DNA2: variants seen among roughly 807,000 people sequenced by gnomAD.
The protein encoded by DNA2 is DNA replication helicase/nuclease 2.
Under a neutral mutation model 119.1 loss-of-function variants are expected in DNA2, and 101 were observed. The ratio of observed to expected loss-of-function variants is 0.85; its 90% confidence interval spans 0.72 to 1.00. DNA2 has a LOEUF of 1.00. Ranked by LOEUF, DNA2 falls within the 50% of genes least tolerant of loss-of-function variation. DNA2 has a pLI of 0.00. For synonymous variants in DNA2, 366 were observed against 424.4 expected (o/e 0.86, Z 1.69); for missense variants, 1,121 against 1,255.5 (o/e 0.89, Z 1.62).
intron 19 of DNA2, among the ~76,000 whole-genome samples, chr10:68,417,652 C>CAAAAA (rs575627007): frequency 8.8e-6 from 1 of 113,548 alleles, no homozygotes; most frequent in African/African-American, 3.7e-5. Context: ...GATCTCATCT[C>CAAAAA]AAAAAAAAAA....
intron 9 of DNA2, among the ~76,000 whole-genome samples, chr10:68,439,611 G>A (rs2051939700): frequency 6.6e-6 from 1 of 151,886 alleles, no homozygotes; most frequent in South Asian, 2.1e-4. Context: ...GCCGAAGCGT[G>A]TGGATCATCT....
intron 2 of DNA2, 88 bp from the exon 3 acceptor site, chr10:68,468,394 G>T: frequency 3.6e-6 from 3 of 826,418 alleles, no homozygotes; most frequent in Non-Finnish European, 3.3e-6. Flanking sequence ...AAATAAATGA[G>T]TATTTTATCT....
intron 6 of DNA2, among the ~76,000 whole-genome samples, chr10:68,448,883 T>C (rs1386860837): frequency 6.6e-6 from 1 of 152,016 alleles, no homozygotes; most frequent in Non-Finnish European, 1.5e-5. Context: ...GTTTGAGCAA[T>C]TCTCAGCCTC....
intron 2 of DNA2, among the ~76,000 whole-genome samples, chr10:68,468,817 G>A (rs1041102735): frequency 5.3e-5 from 8 of 152,114 alleles, no homozygotes; most frequent in Non-Finnish European, 7.4e-5. Flanking sequence ...TTGGGAGGCC[G>A]AGGCAGGTGG....
chr10:68,443,636 TG>T (rs2051999425), intron 8 of DNA2, among the ~76,000 whole-genome samples: 2 of 152,146 alleles, frequency 1.3e-5, no homozygotes, highest in Non-Finnish European at 2.9e-5. Context: ...AGAGATCCCT[TG>T]AAAAAATACC....
At chr10:68,425,407 T>G (rs2051726677) in intron 14 of DNA2, among the ~76,000 whole-genome samples, 1 of 146,976 alleles carries the variant, frequency 6.8e-6, no homozygotes, top group Non-Finnish European at 1.5e-5. Flanking sequence ...TTTGTGTTCT[T>G]TTTTTTTTTT....
intron 9 of DNA2, among the ~76,000 whole-genome samples, chr10:68,442,252 T>C (rs371102780): frequency 1.3e-5 from 2 of 150,762 alleles, no homozygotes. Flanking sequence ...AGAGTCTCGC[T>C]CTGTCACCCA....
intron 19 of DNA2, among the ~76,000 whole-genome samples, chr10:68,418,465 A>G (rs2051620888): frequency 6.6e-6 from 1 of 150,450 alleles, no homozygotes; most frequent in South Asian, 2.1e-4. Flanking sequence ...TTAAACCACA[A>G]TTTTATTTTC....
chr10:68,420,663 A>C (rs558212652), intron 17 of DNA2, among the ~76,000 whole-genome samples: 3 of 148,756 alleles, frequency 2.0e-5, no homozygotes, highest in Admixed American at 6.7e-5. Context: ...CTCTTCAAAG[A>C]CTACTTTCCT....
At chr10:68,449,175 A>T (rs970325253) in intron 6 of DNA2, among the ~76,000 whole-genome samples, 4 of 152,166 alleles carry the variant, frequency 2.6e-5, no homozygotes, top group African/African-American at 9.7e-5. Context: ...AAAATCAATT[A>T]AAAATTTTCA....
rs766665387 is a variant in DNA2, at chr10:68,446,261, G to A, written c.1057+35C>T. ...ACTAGAAGCTGAAGTGGGGGGGTGGGCAAAGAAGTAAAACTAAAAAAAAAA... is the reference window on the plus strand; with the variant it reads ...ACTAGAAGCTGAAGTGGGGGGGTGGACAAAGAAGTAAAACTAAAAAAAAAA... On this transcript the variant is annotated intron_variant, in intron 7 of 20. Coordinates refer to ENST00000358410, the MANE Select transcript of DNA2 (RefSeq NM_001080449.3). 17 of 1,132,862 alleles carry A rather than the reference G, an allele frequency of 1.5e-5. 1 individual carries two copies. The South Asian group carries it at 2.3e-4, about 16-fold the overall frequency. 70.2% of individuals were successfully genotyped at this position (1,132,862 alleles called of 1,614,324 possible). A position where few individuals can be genotyped will look rare whatever the true frequency, so the allele number is the denominator to read the frequency against.
intron 4 of DNA2, 50 bp downstream of exon 4, chr10:68,465,617 A>G: frequency 7.3e-7 from 1 of 1,363,484 alleles, no homozygotes; most frequent in South Asian, 1.5e-5. Flanking sequence ...TTTCTAGGAC[A>G]GAAGTTATAT....
intron 5 of DNA2, among the ~76,000 whole-genome samples, chr10:68,452,151 C>T (rs760028120): frequency 7.6e-4 from 115 of 151,876 alleles, no homozygotes; most frequent in African/African-American, 2.5e-3. Flanking sequence ...GGCATGAACA[C>T]GGCTCACTGC....
intron 1 of DNA2, among the ~76,000 whole-genome samples, chr10:68,470,783 G>T (rs548813319): frequency 6.6e-6 from 1 of 152,194 alleles, no homozygotes; most frequent in South Asian, 2.1e-4. Context: ...GTGGTTCACT[G>T]AAAGTCCTAT....
At chr10:68,423,730 AC>A (rs2051696801) in intron 14 of DNA2, among the ~76,000 whole-genome samples, 1 of 152,132 alleles carries the variant, frequency 6.6e-6, no homozygotes, top group Admixed American at 6.5e-5. Flanking sequence ...ACTGGCACCA[AC>A]CCCACATGTT....
At chr10:68,453,262 A>G (rs1256507825) in intron 5 of DNA2, among the ~76,000 whole-genome samples, 1 of 152,188 alleles carries the variant, frequency 6.6e-6, no homozygotes, top group Non-Finnish European at 1.5e-5. Flanking sequence ...GCTATAGTCT[A>G]CAAAATTTGG....
chr10:68,443,095 T>G lies in DNA2; in HGVS notation c.1237A>C (p.Met413Leu). 6.4e-7 allele frequency: 1 copy of G among 1,570,022 alleles called. No individual in the cohort carries two copies. The highest frequency in any genetic ancestry group is 8.6e-7 in the Non-Finnish European group (1 of 1,156,698). ...ALYSRAVEQQ[M>L]DCSSVPIVML... ...ACAATTGGGACTGAACTACAATCCA[T>G]CTGTTGTTCAACTGCTCTAAATATA... Residue 413 changes from methionine (M) to leucine (L), a missense_variant, in exon 9 of 21, where the codon ATG (methionine) becomes CTG (leucine). Coordinates refer to ENST00000358410, the MANE Select transcript of DNA2 (RefSeq NM_001080449.3).
rs372769392 is a variant in DNA2 at position 68,417,105 on chromosome 10, G to A, written c.2968-250C>T. ...CAAAATATACAAAAATCAGCCAGGC[G>A]TGGTGGTGTGCACCTACGGTCCCAG... On this transcript the variant is annotated intron_variant, in intron 19 of 20. Coordinates refer to ENST00000358410, the MANE Select transcript of DNA2 (RefSeq NM_001080449.3). Among the ~76,000 whole-genome samples, 339 of 152,048 alleles carry A rather than the reference G, an allele frequency of 2.2e-3. 1 individual carries two copies. Among genetic ancestry groups the A allele is most frequent in the Middle Eastern group, 6.8e-3 (2 of 292 alleles).
At chr10:68,425,149 C>T (rs1306144275) in intron 14 of DNA2, among the ~76,000 whole-genome samples, 1 of 130,392 alleles carries the variant, frequency 7.7e-6, no homozygotes, top group East Asian at 2.3e-4. Flanking sequence ...GGCTGGAGTG[C>T]AGTGGCATTA....
Sources: gnomAD v4.1 joint callset for allele counts (sites outside exome capture counted in the v4.1 genomes callset) on GRCh38, gnomAD v4.1.1 for gene constraint, MANE v1.5 for transcripts, NCBI Gene and HGNC (gene_info 2026-07-23, HGNC 2026-07-21) for gene names.